The following LSAMP variants were observed in gnomAD, a reference collection of about 807,000 sequenced individuals.
LSAMP encodes the protein limbic system associated membrane protein.
A neutral mutation model predicts 38.6 loss-of-function variants in LSAMP; 7 were observed. The observed-to-expected ratio is 0.18, with a 90% CI of 0.10 to 0.34. The LOEUF (loss-of-function observed/expected upper bound fraction) is 0.34. LSAMP is among the 10% of genes least tolerant of loss of function. The pLI, the probability that LSAMP is intolerant of heterozygous loss-of-function variation, is 1.00. For synonymous variants in LSAMP, 154 were observed against 166.8 expected (o/e 0.92, Z 0.59); for missense variants, 313 against 420.0 (o/e 0.75, Z 2.23).
intron 1 of LSAMP, among the ~76,000 whole-genome samples, chr3:116,094,495 AC>A (rs1362526862): frequency 6.6e-6 from 1 of 152,184 alleles, no homozygotes; most frequent in Non-Finnish European, 1.5e-5. Flanking sequence ...TAACACTATG[AC>A]AGCATCTACA....
intron 2 of LSAMP, among the ~76,000 whole-genome samples, chr3:116,031,397 A>C (rs1227753647): frequency 2.0e-5 from 3 of 151,502 alleles, no homozygotes. Context: ...ATGAAGAGTT[A>C]CTCTTACTTT....
intron 1 of LSAMP, among the ~76,000 whole-genome samples, chr3:116,405,777 G>A (rs2048890473): frequency 6.6e-6 from 1 of 152,098 alleles, no homozygotes. Context: ...CACAGATTTT[G>A]AAACCTGCCC....
At chr3:116,336,955 C>A in intron 1 of LSAMP, among the ~76,000 whole-genome samples, 1 of 151,240 alleles carries the variant, frequency 6.6e-6, no homozygotes, top group African/African-American at 2.4e-5. Flanking sequence ...CACACACACA[C>A]ATATATATAT....
chr3:115,813,562 ATTAT>A (rs1484733421), intron 6 of LSAMP, among the ~76,000 whole-genome samples: 46 of 152,270 alleles, frequency 3.0e-4, no homozygotes, highest in African/African-American at 1.0e-3. Flanking sequence ...TCTATCAATT[ATTAT>A]TTATTAAGTG....
intron 1 of LSAMP, among the ~76,000 whole-genome samples, chr3:116,321,714 ACT>A (rs1191748207): frequency 2.6e-5 from 4 of 152,116 alleles, no homozygotes; most frequent in Non-Finnish European, 5.9e-5. Context: ...AAACTCACAC[ACT>A]CATTCTTAGA....
At chr3:116,058,833 C>T (rs1455727698) in intron 2 of LSAMP, among the ~76,000 whole-genome samples, 6 of 152,096 alleles carry the variant, frequency 3.9e-5, no homozygotes, top group African/African-American at 9.7e-5. Context: ...TAAAGACTCA[C>T]GTGTTTCTAA....
At chr3:115,895,139 T>C (rs963446283) in intron 3 of LSAMP, among the ~76,000 whole-genome samples, 1 of 152,128 alleles carries the variant, frequency 6.6e-6, no homozygotes, top group Non-Finnish European at 1.5e-5. Context: ...CAGGTATAAA[T>C]GCAGGCTTTT....
intron 3 of LSAMP, among the ~76,000 whole-genome samples, chr3:115,993,522 T>A (rs1184537349): frequency 1.3e-5 from 2 of 152,058 alleles, no homozygotes; most frequent in Admixed American, 1.3e-4. Context: ...CTTTTGAAAT[T>A]TGTTCATAAC....
intron 1 of LSAMP, among the ~76,000 whole-genome samples, chr3:116,325,441 G>T (rs1430705212): frequency 6.6e-6 from 1 of 152,116 alleles, no homozygotes; most frequent in African/African-American, 2.4e-5. Context: ...AAATGACAAG[G>T]TAAGGAGAGA....
chr3:116,062,364 C>A (rs760394450), intron 2 of LSAMP, among the ~76,000 whole-genome samples: 1 of 152,126 alleles, frequency 6.6e-6, no homozygotes, highest in Non-Finnish European at 1.5e-5. Flanking sequence ...CAAAAATTAG[C>A]CGGGCGTGGT....
intron 1 of LSAMP, among the ~76,000 whole-genome samples, chr3:116,342,889 G>T (rs2048015634): frequency 6.6e-6 from 1 of 152,044 alleles, no homozygotes. Flanking sequence ...ATAATTCAGT[G>T]ACTGTAGGAT....
chr3:116,301,170 T>A (rs777153840), intron 1 of LSAMP, among the ~76,000 whole-genome samples: 1 of 152,052 alleles, frequency 6.6e-6, no homozygotes, highest in Non-Finnish European at 1.5e-5. Flanking sequence ...AATATGTCAA[T>A]GGAAATGAAA....
chr3:116,050,401 A>G (rs898000914), intron 2 of LSAMP, among the ~76,000 whole-genome samples: 3 of 152,080 alleles, frequency 2.0e-5, no homozygotes, highest in Non-Finnish European at 2.9e-5. Flanking sequence ...AAAAATTTCT[A>G]TTAAACTCCT....
chr3:116,341,746 A>G (rs2107753898), intron 1 of LSAMP, among the ~76,000 whole-genome samples: 1 of 152,128 alleles, frequency 6.6e-6, no homozygotes, highest in Non-Finnish European at 1.5e-5. Flanking sequence ...GAGCAAAAAT[A>G]TAGAGAAATG....
At chr3:116,428,516 T>G (rs918561360) in intron 1 of LSAMP, among the ~76,000 whole-genome samples, 4 of 152,170 alleles carry the variant, frequency 2.6e-5, no homozygotes, top group African/African-American at 9.7e-5. Context: ...ACCATGTATT[T>G]AGAAAAAAAT....
At chr3:116,074,218 G>A (rs1707679055) in intron 2 of LSAMP, among the ~76,000 whole-genome samples, 1 of 152,164 alleles carries the variant, frequency 6.6e-6, no homozygotes, top group South Asian at 2.1e-4. Flanking sequence ...CAGTTTTGAG[G>A]ATGCCTGGAT....
At chr3:115,904,434 A>G (rs1204566223) in intron 3 of LSAMP, among the ~76,000 whole-genome samples, 1 of 152,182 alleles carries the variant, frequency 6.6e-6, no homozygotes, top group African/African-American at 2.4e-5. Context: ...CCCAGATAAA[A>G]TTATAGAAGA....
chr3:116,195,121 T>C (rs1710852501), intron 1 of LSAMP, among the ~76,000 whole-genome samples: 1 of 152,146 alleles, frequency 6.6e-6, no homozygotes, highest in Non-Finnish European at 1.5e-5. Context: ...GCCTTGGTCA[T>C]AGTCTTTGGA....
At chr3:116,131,532 G>A (rs961093175) in intron 1 of LSAMP, among the ~76,000 whole-genome samples, 3 of 151,704 alleles carry the variant, frequency 2.0e-5, no homozygotes, top group Admixed American at 1.3e-4. Flanking sequence ...TGCAAGGCCT[G>A]GAGCTTCTGC....
Sources: gnomAD v4.1 joint callset for allele counts (sites outside exome capture counted in the v4.1 genomes callset) on GRCh38, gnomAD v4.1.1 for gene constraint, MANE v1.5 for transcripts, NCBI Gene and HGNC (gene_info 2026-07-23, HGNC 2026-07-21) for gene names.